The following TENM2 variants were observed in gnomAD, a reference collection of about 807,000 sequenced individuals.
The protein encoded by TENM2 is teneurin transmembrane protein 2, also known as teneurin-2.
In TENM2, 52 loss-of-function variants were observed where a neutral mutation model predicts 245.2. The ratio of observed to expected loss-of-function variants is 0.21; its 90% CI spans 0.17 to 0.27. The LOEUF (loss-of-function observed/expected upper bound fraction) is 0.27, where lower values mean the gene tolerates loss of function less well. Ranked by LOEUF, TENM2 falls within the 10% of genes least tolerant of loss-of-function variation. TENM2 has a pLI of 1.00. For synonymous variants in TENM2, 1,363 were observed against 1,438.9 expected, an observed-to-expected ratio of 0.95 and a Z score of 1.19; for missense variants, 3,046 against 3,666.8, an observed-to-expected ratio of 0.83 and a Z score of 4.37.
chr5:167,148,972 A>T, the TENM2 span, among the ~76,000 whole-genome samples: 675 of 152,256 alleles, frequency 4.4e-3, 7 homozygotes, highest in African/African-American at 0.014. Flanking sequence ...ATTTTTCTTT[A>T]TAAGTTATAT....
chr5:167,646,198 TTC>T (rs1491508072), intron 2 of TENM2, among the ~76,000 whole-genome samples: 1 of 111,984 alleles, frequency 8.9e-6, no homozygotes, highest in African/African-American at 4.2e-5. Context: ...ATATGTTGTT[TTC>T]ATATATATAT....
chr5:166,993,860 A>C, the TENM2 span, among the ~76,000 whole-genome samples: 1 of 152,060 alleles, frequency 6.6e-6, no homozygotes, highest in Non-Finnish European at 1.5e-5. Context: ...GCTCAAAGGA[A>C]GCATGCTTTT....
At chr5:167,060,224 A>G in the TENM2 span, among the ~76,000 whole-genome samples, 2 of 152,146 alleles carry the variant, frequency 1.3e-5, no homozygotes, top group Non-Finnish European at 2.9e-5. Context: ...GAATTCCTTT[A>G]CTACCTCTGC....
exon 13 of TENM2, chr5:168,162,633 C>T (rs775997514): frequency 1.4e-5 from 23 of 1,613,802 alleles, no homozygotes; most frequent in South Asian, 4.4e-5. Flanking sequence ...ACTTGTGCAA[C>T]GGTAACGGGA....
chr5:167,965,543 C>G (rs1312606351), intron 4 of TENM2: 5 of 151,878 alleles, frequency 3.3e-5, no homozygotes, highest in African/African-American at 7.3e-5. Flanking sequence ...GATCACACCC[C>G]TGCGCTCCAT....
intron 4 of TENM2, among the ~76,000 whole-genome samples, chr5:167,954,244 A>C (rs1780356738): frequency 6.6e-6 from 1 of 152,188 alleles, no homozygotes; most frequent in Non-Finnish European, 1.5e-5. Flanking sequence ...ATGGTTACAT[A>C]ACAAAGTAAA....
intron 19 of TENM2, among the ~76,000 whole-genome samples, chr5:168,209,878 A>G (rs148815054): frequency 7.9e-5 from 12 of 152,316 alleles, no homozygotes; most frequent in African/African-American, 2.6e-4. Context: ...GCACACAAAC[A>G]TAAATCACCA....
At chr5:168,123,534 A>G (rs1795630009) in intron 10 of TENM2, among the ~76,000 whole-genome samples, 1 of 152,240 alleles carries the variant, frequency 6.6e-6, no homozygotes, top group African/African-American at 2.4e-5. Flanking sequence ...ATAAGACGGT[A>G]CGCATACACA....
chr5:167,919,896 A>G (rs1049334604), intron 3 of TENM2, among the ~76,000 whole-genome samples: 1 of 152,218 alleles, frequency 6.6e-6, no homozygotes, highest in Non-Finnish European at 1.5e-5. Context: ...AAATTCCCAC[A>G]AGAGTGTGTG....
chr5:167,905,243 T>TA (rs1297922157), intron 3 of TENM2, among the ~76,000 whole-genome samples: 2 of 152,124 alleles, frequency 1.3e-5, no homozygotes, highest in Non-Finnish European at 2.9e-5. Flanking sequence ...ACAGGTAGTC[T>TA]AAAAAAATCA....
chr5:168,048,173 G>GA (rs539879120), intron 6 of TENM2, among the ~76,000 whole-genome samples: 14 of 104,262 alleles, frequency 1.3e-4, no homozygotes, highest in African/African-American at 1.9e-4. Flanking sequence ...TCCTTGAAGG[G>GA]AAAAAAAAAG....
chr5:167,573,192 C>T (rs1445319070), intron 2 of TENM2, among the ~76,000 whole-genome samples: 2 of 152,068 alleles, frequency 1.3e-5, no homozygotes, highest in East Asian at 1.9e-4. Flanking sequence ...AACTACATTG[C>T]AAATTGCCGT....
chr5:167,002,937 A>G, the TENM2 span, among the ~76,000 whole-genome samples: 38 of 152,084 alleles, frequency 2.5e-4, no homozygotes, highest in Admixed American at 6.5e-4. Context: ...GAAATAATTC[A>G]GTACAATTAA....
chr5:167,722,763 G>A (rs1355400275), intron 2 of TENM2, among the ~76,000 whole-genome samples: 1 of 152,050 alleles, frequency 6.6e-6, no homozygotes, highest in African/African-American at 2.4e-5. Flanking sequence ...GCCATAGAGT[G>A]AGACTCTGTC....
chr5:167,201,251 A>G, the TENM2 span, among the ~76,000 whole-genome samples: 1 of 152,222 alleles, frequency 6.6e-6, no homozygotes, highest in East Asian at 1.9e-4. Context: ...TTTGTTCCCA[A>G]TAACATAATA....
intron 10 of TENM2, among the ~76,000 whole-genome samples, chr5:168,123,117 C>A (rs149871307): frequency 0.015 from 2,114 of 145,122 alleles, 45 homozygotes; most frequent in African/African-American, 0.051. Flanking sequence ...GGCAACATAG[C>A]AAGACCCCAT....
At chr5:168,098,325 G>A (rs1362252715) in intron 9 of TENM2, among the ~76,000 whole-genome samples, 198 bp downstream of exon 11, 2 of 152,182 alleles carry the variant, frequency 1.3e-5, no homozygotes, top group African/African-American at 4.8e-5. Context: ...GTACCTATAG[G>A]AGCAGGGCAG....
chr5:167,016,277 CA>C, the TENM2 span, among the ~76,000 whole-genome samples: 1 of 82,178 alleles, frequency 1.2e-5, no homozygotes, highest in Non-Finnish European at 2.5e-5. Flanking sequence ...AACAAACAAA[CA>C]AACAAAAAAA....
chr5:168,154,171 A>AAC (rs1291749559), intron 12 of TENM2, among the ~76,000 whole-genome samples: 2 of 149,218 alleles, frequency 1.3e-5, no homozygotes, highest in African/African-American at 2.5e-5. Flanking sequence ...AAAAAACAGT[A>AAC]AGAGCTTGAA....
Sources: allele counts gnomAD v4.1 joint callset (sites outside exome capture counted in the v4.1 genomes callset), GRCh38; gene constraint gnomAD v4.1.1; transcripts MANE v1.5; gene names NCBI Gene and HGNC (gene_info 2026-07-23, HGNC 2026-07-21).